Variants in ZNF248 observed in about 807,000 individuals in gnomAD.
The protein encoded by ZNF248 is KRAB protein domain.
In ZNF248, 20 loss-of-function variants were observed where a neutral mutation model predicts 44.3. The observed-to-expected ratio is 0.45, with a 90% confidence interval of 0.32 to 0.66. ZNF248 has a LOEUF of 0.66. Among genes scored for constraint, ZNF248 ranks in the 30% least tolerant of loss-of-function variants. ZNF248 has a pLI of 0.04. For synonymous variants in ZNF248, 224 were observed against 229.0 expected, an observed-to-expected ratio of 0.98 and a Z score of 0.20; for missense variants, 654 against 677.0, an observed-to-expected ratio of 0.97 and a Z score of 0.38.
chr10:37,820,664 C>A, intron 6 of ZNF248: 1 of 1,436,770 alleles, frequency 7.0e-7, no homozygotes, highest in Non-Finnish European at 9.8e-7. Context: ...TTTCCACTTT[C>A]GCTGGTCATT....
At chr10:37,820,470 G>C in intron 6 of ZNF248, 1 of 1,594,554 alleles carries the variant, frequency 6.3e-7, no homozygotes, top group African/African-American at 1.3e-5. Context: ...CAGAGGGGCT[G>C]TTCTACTTGT....
intron 6 of ZNF248, among the ~76,000 whole-genome samples, chr10:37,793,560 G>C (rs1428383371): frequency 1.3e-5 from 2 of 152,124 alleles, no homozygotes; most frequent in African/African-American, 4.8e-5. Context: ...TTAAGGCAAA[G>C]TGGTGTGGAG....
intron 6 of ZNF248, chr10:37,818,789 G>A (rs564015559): frequency 3.7e-6 from 3 of 811,196 alleles, no homozygotes; most frequent in Non-Finnish European, 6.2e-6. Context: ...TTTGCTTCAG[G>A]TGTTACTACT....
chr10:37,790,893 C>T (rs1477469197), intron 6 of ZNF248, among the ~76,000 whole-genome samples: 1 of 146,808 alleles, frequency 6.8e-6, no homozygotes, highest in Non-Finnish European at 1.5e-5. Context: ...GCAGTCTGGC[C>T]TGGGCAAGAG....
chr10:37,810,719 C>T (rs1238735984), intron 6 of ZNF248, among the ~76,000 whole-genome samples: 1 of 151,990 alleles, frequency 6.6e-6, no homozygotes, highest in Non-Finnish European at 1.5e-5. Flanking sequence ...CACAAATTTC[C>T]TATAAAAAGC....
intron 6 of ZNF248, among the ~76,000 whole-genome samples, chr10:37,799,884 A>C (rs1453052813): frequency 5.3e-5 from 8 of 152,104 alleles, no homozygotes; most frequent in Admixed American, 5.2e-4. Flanking sequence ...AGATTGATTC[A>C]AGACTTAAAT....
downstream of ZNF248, among the ~76,000 whole-genome samples, chr10:37,824,501 T>C (rs1487939687): frequency 1.3e-5 from 2 of 152,120 alleles, no homozygotes; most frequent in Non-Finnish European, 2.9e-5. Flanking sequence ...TTGGGGTAAG[T>C]GGTTCTCTCT....
intron 6 of ZNF248, among the ~76,000 whole-genome samples, chr10:37,793,694 T>C (rs183916018): frequency 5.3e-5 from 8 of 152,316 alleles, no homozygotes; most frequent in East Asian, 1.9e-4. Flanking sequence ...AACATATGCA[T>C]ATAGATCTCA....
Position 37,830,128 on chromosome 10 carries a change from C to T in ZNF248, c.*1487G>A. On this transcript the variant is annotated 3_prime_UTR_variant, in exon 6 of 6. Transcript: ENST00000395867. ...CCCAAACAGATACACAATGAAAAAT[C>T]AAGGATATCAAAAGGGCCTTTCATT... is the stretch of plus-strand genomic sequence containing the variant. 1 of 985,362 alleles carries T rather than the reference C, an allele frequency of 1.0e-6. No homozygotes were observed. The allele number at this position is 985,362 out of a possible 1,614,324, so 61.0% of individuals were successfully genotyped here.
intron 6 of ZNF248, among the ~76,000 whole-genome samples, chr10:37,823,604 C>A (rs12773859): frequency 6.6e-6 from 1 of 151,848 alleles, no homozygotes; most frequent in Non-Finnish European, 1.5e-5. Context: ...GACAGAGTCT[C>A]GCTCTGTTGC....
chr10:37,838,189 T>C, intron 3 of ZNF248, 78 bp from the exon 4 acceptor site: 1 of 1,350,960 alleles, frequency 7.4e-7, no homozygotes, highest in Non-Finnish European at 1.0e-6. Flanking sequence ...CTAATCTCTT[T>C]AGAGTTTACT....
At chr10:37,853,966 G>A (rs189274355) in intron 3 of ZNF248, among the ~76,000 whole-genome samples, 11 of 152,272 alleles carry the variant, frequency 7.2e-5, no homozygotes, top group East Asian at 1.9e-4. Flanking sequence ...CTCTAAAGTC[G>A]TAATACTAAA....
chr10:37,768,340 A>G, the ZNF248 span, among the ~76,000 whole-genome samples: 21 of 152,296 alleles, frequency 1.4e-4, no homozygotes, highest in Admixed American at 1.4e-3. Context: ...TCAGCACCAC[A>G]CCTATTCCAA....
chr10:37,833,211 T>C lies in ZNF248; in HGVS notation c.239-95A>G, dbSNP rs2056334901. ...AAATGCACTATCATACAGTCAATTC[T>C]TTTGTTTTAAATTCAGTTTCCTGGT... On this transcript the variant is annotated intron_variant, in intron 5 of 5. Transcript: ENST00000395867. 3 of 1,457,714 alleles carry C rather than the reference T, an allele frequency of 2.1e-6. No individual in the cohort carries two copies. In the South Asian group the frequency reaches 4.6e-5, roughly 23 times the overall value. The allele number at this position is 1,457,714 out of a possible 1,614,324, so 90.3% of individuals were successfully genotyped here.
the ZNF248 span, among the ~76,000 whole-genome samples, chr10:37,768,653 C>A: frequency 6.6e-6 from 1 of 152,022 alleles, no homozygotes; most frequent in Non-Finnish European, 1.5e-5. Flanking sequence ...GCACTAAATG[C>A]CGACAAGAGA....
chr10:37,822,927 C>G (rs1274330837), intron 6 of ZNF248, among the ~76,000 whole-genome samples: 2 of 152,042 alleles, frequency 1.3e-5, no homozygotes, highest in Non-Finnish European at 2.9e-5. Context: ...AATGTGCGGT[C>G]TATGTGAAGG....
At chr10:37,786,380 C>T (rs1167865981) in intron 6 of ZNF248, among the ~76,000 whole-genome samples, 1 of 152,074 alleles carries the variant, frequency 6.6e-6, no homozygotes, top group Non-Finnish European at 1.5e-5. Flanking sequence ...GGGTTAACAT[C>T]CAGGCTGACA....
intron 6 of ZNF248, among the ~76,000 whole-genome samples, chr10:37,780,747 G>A (rs11816995): frequency 2.8e-4 from 42 of 152,132 alleles, no homozygotes; most frequent in African/African-American, 9.2e-4. Context: ...GCCACCCTCC[G>A]ACTCACAGGG....
At chr10:37,787,434 A>G (rs1376794195) in intron 6 of ZNF248, among the ~76,000 whole-genome samples, 4 of 152,160 alleles carry the variant, frequency 2.6e-5, no homozygotes, top group Non-Finnish European at 5.9e-5. Context: ...TTTACTGCCC[A>G]GGATGCTATG....
Sources: gnomAD v4.1 joint callset for allele counts (sites outside exome capture counted in the v4.1 genomes callset) on GRCh38, gnomAD v4.1.1 for gene constraint, MANE v1.5 for transcripts, NCBI Gene and HGNC (gene_info 2026-07-23, HGNC 2026-07-21) for gene names.